LUZP2: variants seen among roughly 807,000 people sequenced by gnomAD.
The protein encoded by LUZP2 is leucine zipper protein 2.
Under a neutral mutation model 51.6 loss-of-function variants are expected in LUZP2, and 52 were observed. The ratio of observed to expected loss-of-function variants is 1.01; its 90% confidence interval spans 0.81 to 1.27. The LOEUF is 1.27. Ranked by LOEUF, LUZP2 falls within the 50% of genes most tolerant of loss-of-function variation. LUZP2 has a pLI of 0.00. For missense variants in LUZP2, 436 were observed against 395.4 expected (o/e 1.10, Z -0.87); for synonymous variants, 154 against 137.3 (o/e 1.12, Z -0.85).
intron 1 of LUZP2, among the ~76,000 whole-genome samples, chr11:24,583,789 T>A (rs1852959804): frequency 6.6e-6 from 1 of 151,418 alleles, no homozygotes. Context: ...CTGCAAACTC[T>A]GCCTTCCGGG....
At chr11:24,527,599 A>ACACACACACACACACACACACAG (rs112511900) in intron 1 of LUZP2, among the ~76,000 whole-genome samples, 1 of 148,720 alleles carries the variant, frequency 6.7e-6, no homozygotes, top group African/African-American at 2.5e-5. Context: ...ACACACACAC[A>ACACACACACACACACACACACAG]TTTATTTGTT....
chr11:24,711,722 A>G (rs138584386), intron 1 of LUZP2, among the ~76,000 whole-genome samples: 21 of 152,262 alleles, frequency 1.4e-4, no homozygotes, highest in Non-Finnish European at 1.0e-4. Context: ...AAGGCAACAT[A>G]GTTTTTTCCC....
At chr11:25,016,922 C>A (rs1230264461) in intron 9 of LUZP2, among the ~76,000 whole-genome samples, 3 of 141,106 alleles carry the variant, frequency 2.1e-5, no homozygotes, top group Non-Finnish European at 4.7e-5. Flanking sequence ...TTCATCACTT[C>A]CTTGCCGACA....
At chr11:24,761,334 C>T (rs1165185854) in intron 4 of LUZP2, among the ~76,000 whole-genome samples, 1 of 152,060 alleles carries the variant, frequency 6.6e-6, no homozygotes, top group Non-Finnish European at 1.5e-5. Context: ...CTCATAATAA[C>T]TCTATTATAA....
chr11:24,499,512 G>A (rs1441754210), intron 1 of LUZP2, among the ~76,000 whole-genome samples: 1 of 152,166 alleles, frequency 6.6e-6, no homozygotes, highest in Non-Finnish European at 1.5e-5. Flanking sequence ...TGTCCTGCTG[G>A]GAAAAGCTGA....
intron 1 of LUZP2, among the ~76,000 whole-genome samples, chr11:24,528,555 G>A (rs1036241479): frequency 1.3e-5 from 2 of 151,182 alleles, no homozygotes; most frequent in East Asian, 3.9e-4. Context: ...CGTGCACAAC[G>A]TACAGGTTTG....
intron 5 of LUZP2, among the ~76,000 whole-genome samples, chr11:24,801,309 T>C (rs1340196429): frequency 6.6e-6 from 1 of 152,108 alleles, no homozygotes; most frequent in Admixed American, 6.6e-5. Flanking sequence ...CCTCAATTCA[T>C]TCTCAAAGCT....
chr11:24,547,587 G>T (rs1851596740), intron 1 of LUZP2, among the ~76,000 whole-genome samples: 1 of 152,040 alleles, frequency 6.6e-6, no homozygotes, highest in Non-Finnish European at 1.5e-5. Context: ...GTGAGTTAAA[G>T]ACTTAAATGT....
chr11:24,765,682 C>G (rs1408179207), intron 5 of LUZP2, among the ~76,000 whole-genome samples: 1 of 146,478 alleles, frequency 6.8e-6, no homozygotes, highest in Non-Finnish European at 1.5e-5. Flanking sequence ...GGCTGGAGTG[C>G]CGTGGCTTGA....
intron 5 of LUZP2, among the ~76,000 whole-genome samples, chr11:24,900,206 G>A (rs1176099627): frequency 6.6e-6 from 1 of 152,122 alleles, no homozygotes. Flanking sequence ...GTTTAGCTTG[G>A]TTATTTTGAG....
chr11:24,674,228 A>G (rs1856479036), intron 1 of LUZP2, among the ~76,000 whole-genome samples: 1 of 152,274 alleles, frequency 6.6e-6, no homozygotes, highest in African/African-American at 2.4e-5. Context: ...TCTCAGTTCA[A>G]ATGCCTGTCA....
chr11:24,861,607 C>A (rs1354772510), intron 5 of LUZP2, among the ~76,000 whole-genome samples: 2 of 152,142 alleles, frequency 1.3e-5, no homozygotes, highest in African/African-American at 4.8e-5. Context: ...AGTACTCAGA[C>A]ACAGGTATGC....
chr11:25,076,065 T>C, intron 10 of LUZP2, among the ~76,000 whole-genome samples: 1 of 151,990 alleles, frequency 6.6e-6, no homozygotes, highest in East Asian at 1.9e-4. Flanking sequence ...TAGGTTGGAG[T>C]GCAGTGGCAT....
intron 4 of LUZP2, among the ~76,000 whole-genome samples, chr11:24,758,008 A>G (rs1859837863): frequency 6.6e-6 from 1 of 152,128 alleles, no homozygotes; most frequent in Non-Finnish European, 1.5e-5. Context: ...ATTCCTAATA[A>G]ATGCAAGTAT....
At chr11:24,818,214 G>A (rs1284201960) in intron 5 of LUZP2, among the ~76,000 whole-genome samples, 2 of 151,992 alleles carry the variant, frequency 1.3e-5, no homozygotes, top group Non-Finnish European at 2.9e-5. Flanking sequence ...CGTCTTTTAG[G>A]TAGATAATGT....
intron 1 of LUZP2, among the ~76,000 whole-genome samples, chr11:24,673,137 A>G (rs1856450990): frequency 6.6e-6 from 1 of 152,152 alleles, no homozygotes. Flanking sequence ...TCTTCCATGA[A>G]ACCAATCCCT....
intron 5 of LUZP2, among the ~76,000 whole-genome samples, chr11:24,837,488 C>G (rs1850895369): frequency 6.6e-6 from 1 of 151,586 alleles, no homozygotes; most frequent in African/African-American, 2.4e-5. Context: ...TTTTATGAGA[C>G]AGTGTTTATG....
intron 7 of LUZP2, among the ~76,000 whole-genome samples, chr11:24,953,569 A>G (rs553810311): frequency 3.9e-5 from 6 of 152,152 alleles, no homozygotes; most frequent in Non-Finnish European, 7.4e-5. Flanking sequence ...AAGCTCCTAA[A>G]GGAACACTTC....
At chr11:24,854,372 A>G (rs531811949) in intron 5 of LUZP2, among the ~76,000 whole-genome samples, 1 of 152,340 alleles carries the variant, frequency 6.6e-6, no homozygotes, top group South Asian at 2.1e-4. Context: ...TTGCTGAGCT[A>G]TGGTGGGCTC....
Sources: allele counts gnomAD v4.1 joint callset (sites outside exome capture counted in the v4.1 genomes callset), GRCh38; gene constraint gnomAD v4.1.1; transcripts MANE v1.5; gene names NCBI Gene and HGNC (gene_info 2026-07-23, HGNC 2026-07-21).